The following SNX6 variants were observed in gnomAD, a reference collection of about 807,000 sequenced individuals.
SNX6 encodes the protein sorting nexin-6.
Under a neutral mutation model 63.0 loss-of-function variants are expected in SNX6, and 34 were observed. The ratio of observed to expected loss-of-function variants is 0.54; its 90% CI spans 0.41 to 0.72. SNX6 has a LOEUF of 0.72. Among genes scored for constraint, SNX6 ranks in the 30% least tolerant of loss-of-function variants. The pLI, the probability that SNX6 is intolerant of heterozygous loss-of-function variation, is 0.00. For synonymous variants in SNX6, 170 were observed against 164.2 expected, an observed-to-expected ratio of 1.04 and a Z score of -0.27; for missense variants, 398 against 471.4, an observed-to-expected ratio of 0.84 and a Z score of 1.44.
chr14:34,609,886 T>G, intron 2 of SNX6, 144 bp from the exon 3 acceptor site: 1 of 578,518 alleles, frequency 1.7e-6, no homozygotes, highest in South Asian at 2.4e-5. Flanking sequence ...ACATACATAC[T>G]ATATACATTT....
chr14:34,604,274 C>T (rs780018753), intron 5 of SNX6: 186 of 1,264,878 alleles, frequency 1.5e-4, no homozygotes, highest in Non-Finnish European at 1.9e-4. Context: ...AACCCCTAAC[C>T]AGACCACAAA....
At chr14:34,578,197 CTG>C (rs1881788883) in intron 10 of SNX6, among the ~76,000 whole-genome samples, 3 of 151,734 alleles carry the variant, frequency 2.0e-5, no homozygotes, top group African/African-American at 7.3e-5. Flanking sequence ...GAGCAAGACT[CTG>C]TCTCAAAACA....
intron 7 of SNX6, among the ~76,000 whole-genome samples, chr14:34,593,574 CTTTTT>C (rs397852358): frequency 2.3e-5 from 3 of 131,698 alleles, no homozygotes; most frequent in African/African-American, 5.6e-5. Flanking sequence ...AATTTCTTTT[CTTTTT>C]TTTTTTTTTT....
chr14:34,623,535 A>G (rs943172357), intron 2 of SNX6, among the ~76,000 whole-genome samples: 2 of 152,212 alleles, frequency 1.3e-5, no homozygotes, highest in Non-Finnish European at 2.9e-5. Context: ...TGAATTGGAA[A>G]GTAGAAAGAC....
At chr14:34,570,885 G>C (rs1476689218) in intron 11 of SNX6, among the ~76,000 whole-genome samples, 1 of 151,110 alleles carries the variant, frequency 6.6e-6, no homozygotes, top group Non-Finnish European at 1.5e-5. Flanking sequence ...CACCACGCCC[G>C]GCTAATTTTT....
intron 6 of SNX6, among the ~76,000 whole-genome samples, chr14:34,598,365 G>A (rs1034986625): frequency 2.0e-5 from 3 of 152,124 alleles, no homozygotes; most frequent in African/African-American, 7.2e-5. Flanking sequence ...TGGTCTGAAT[G>A]TATGTGTCCC....
intron 9 of SNX6, among the ~76,000 whole-genome samples, chr14:34,584,581 C>T (rs1160312034): frequency 6.6e-6 from 1 of 151,986 alleles, no homozygotes; most frequent in Non-Finnish European, 1.5e-5. Context: ...TACATAAACA[C>T]ATATACATAC....
At chr14:34,604,201 CA>C (rs1882931271) in intron 5 of SNX6, 2 of 1,288,408 alleles carry the variant, frequency 1.6e-6, no homozygotes, top group Middle Eastern at 2.1e-4. Context: ...TCAGTGAAGA[CA>C]AAAAAGAAGG....
chr14:34,626,597 AG>A (rs1448078603), intron 2 of SNX6, among the ~76,000 whole-genome samples: 1 of 150,682 alleles, frequency 6.6e-6, no homozygotes, highest in Non-Finnish European at 1.5e-5. Flanking sequence ...TGAACCCAGG[AG>A]GCAGAGCTTG....
At chr14:34,564,370 C>CT (rs1412219478) in intron 13 of SNX6, among the ~76,000 whole-genome samples, 2 of 152,124 alleles carry the variant, frequency 1.3e-5, no homozygotes, top group Non-Finnish European at 2.9e-5. Context: ...CCACCATGTA[C>CT]TGGTAGTAAC....
chr14:34,599,837 C>T (rs947502063), intron 6 of SNX6, among the ~76,000 whole-genome samples: 1 of 151,724 alleles, frequency 6.6e-6, no homozygotes, highest in African/African-American at 2.4e-5. Flanking sequence ...TCTGTGGCCC[C>T]TTCATCCAAA....
chr14:34,567,141 T>C (rs1307781408), intron 13 of SNX6, among the ~76,000 whole-genome samples: 2 of 151,840 alleles, frequency 1.3e-5, no homozygotes, highest in Non-Finnish European at 2.9e-5. Context: ...GAAGAGTTGC[T>C]TGAACCTGGG....
chr14:34,583,708 A>C (rs551914047), intron 9 of SNX6, among the ~76,000 whole-genome samples: 10 of 152,282 alleles, frequency 6.6e-5, no homozygotes, highest in African/African-American at 2.4e-4. Flanking sequence ...TAGGGCAAAT[A>C]CTACTCAAAG....
chr14:34,585,208 T>C (rs969047566), intron 9 of SNX6, among the ~76,000 whole-genome samples: 1 of 152,122 alleles, frequency 6.6e-6, no homozygotes, highest in African/African-American at 2.4e-5. Context: ...ACAAAAATAT[T>C]CCAAAAGTTT....
At chr14:34,583,047 C>T (rs1460678975) in intron 9 of SNX6, among the ~76,000 whole-genome samples, 4 of 151,932 alleles carry the variant, frequency 2.6e-5, no homozygotes, top group Non-Finnish European at 4.4e-5. Flanking sequence ...TGGCTCATGC[C>T]TGTAATCCCA....
At chr14:34,578,079 C>G (rs1446889639) in intron 10 of SNX6, among the ~76,000 whole-genome samples, 1 of 151,660 alleles carries the variant, frequency 6.6e-6, no homozygotes, top group Non-Finnish European at 1.5e-5. Context: ...GCAGCAATGC[C>G]TGTAATCCCA....
intron 3 of SNX6, among the ~76,000 whole-genome samples, chr14:34,609,094 G>A (rs1028067318): frequency 1.3e-5 from 2 of 151,972 alleles, no homozygotes; most frequent in African/African-American, 2.4e-5. Context: ...CAATGAAATT[G>A]AAAGTAACAA....
At chr14:34,606,357 G>C (rs1397069356) in intron 4 of SNX6, among the ~76,000 whole-genome samples, 1 of 151,544 alleles carries the variant, frequency 6.6e-6, no homozygotes, top group Non-Finnish European at 1.5e-5. Context: ...CTGGCCTCAG[G>C]TGATCCACCC....
At chr14:34,593,198 G>GT (rs1415323572) in intron 7 of SNX6, 48 bp from the exon 8 acceptor site, 1 of 1,128,824 alleles carries the variant, frequency 8.9e-7, no homozygotes, top group Non-Finnish European at 1.3e-6. Flanking sequence ...ATTTGCTTTA[G>GT]TTTTATATGT....
Sources: gnomAD v4.1 joint callset for allele counts (sites outside exome capture counted in the v4.1 genomes callset) on GRCh38, gnomAD v4.1.1 for gene constraint, MANE v1.5 for transcripts, NCBI Gene and HGNC (gene_info 2026-07-23, HGNC 2026-07-21) for gene names.